SNRPD3: variants seen among roughly 807,000 people sequenced by gnomAD.
SNRPD3 encodes small nuclear ribonucleoprotein D3 polypeptide.
For missense variants in SNRPD3, 73 were observed against 167.5 expected, an observed-to-expected ratio of 0.44 and a Z score of 3.11; for synonymous variants, 66 against 58.4, an observed-to-expected ratio of 1.13 and a Z score of -0.59.
intron 2 of SNRPD3, among the ~76,000 whole-genome samples, chr22:24,564,676 G>A (rs903115311): frequency 2.0e-4 from 31 of 152,122 alleles, no homozygotes; most frequent in African/African-American, 7.5e-4. Context: ...GTTCATTTAT[G>A]GAAATGCCTA....
chr22:24,567,030 C>A (rs112393638), intron 2 of SNRPD3, among the ~76,000 whole-genome samples: 3 of 152,352 alleles, frequency 2.0e-5, no homozygotes, highest in African/African-American at 7.2e-5. Flanking sequence ...TGCCCAAGTG[C>A]CTGCTCTTTT....
chr22:24,566,360 C>T (rs1001807717), intron 2 of SNRPD3, among the ~76,000 whole-genome samples: 1 of 152,182 alleles, frequency 6.6e-6, no homozygotes, highest in Non-Finnish European at 1.5e-5. Context: ...CAGCCTCGAC[C>T]TCCCAGAACC....
intron 2 of SNRPD3, among the ~76,000 whole-genome samples, chr22:24,563,441 C>T (rs2045167653): frequency 6.6e-6 from 1 of 151,968 alleles, no homozygotes; most frequent in Non-Finnish European, 1.5e-5. Flanking sequence ...TGTTCTCCTT[C>T]TCATTCCGAC....
intron 3 of SNRPD3, among the ~76,000 whole-genome samples, chr22:24,570,194 T>G (rs1008436263): frequency 6.6e-6 from 1 of 152,246 alleles, no homozygotes; most frequent in East Asian, 1.9e-4. Flanking sequence ...GAGTGAGGTC[T>G]TATGACCCAC....
At chr22:24,570,673 A>G (rs997433089) in intron 3 of SNRPD3, among the ~76,000 whole-genome samples, 3 of 151,640 alleles carry the variant, frequency 2.0e-5, no homozygotes, top group African/African-American at 7.3e-5. Flanking sequence ...ACAGAGCTAG[A>G]CTCCATCTCA....
chr22:24,562,880 G>A (rs561776604), intron 2 of SNRPD3, among the ~76,000 whole-genome samples: 1 of 152,248 alleles, frequency 6.6e-6, no homozygotes, highest in South Asian at 2.1e-4. Flanking sequence ...GATTAAGCAG[G>A]GAAGATCATC....
At chr22:24,557,420 C>T (rs2045086247) in intron 1 of SNRPD3, among the ~76,000 whole-genome samples, 1 of 152,136 alleles carries the variant, frequency 6.6e-6, no homozygotes, top group South Asian at 2.1e-4. Context: ...TCTTTTCATT[C>T]CTAGTTTTAC....
chr22:24,566,627 A>G (rs2045198986), intron 2 of SNRPD3, among the ~76,000 whole-genome samples: 1 of 152,244 alleles, frequency 6.6e-6, no homozygotes, highest in African/African-American at 2.4e-5. Flanking sequence ...GAGGAAAAGA[A>G]TGAATGAGTA....
upstream of SNRPD3, chr22:24,555,956 C>T: frequency 1.0e-6 from 1 of 970,332 alleles, no homozygotes; most frequent in South Asian, 1.6e-5. Context: ...GCCCTGCGCG[C>T]AGCATTTTGG....
intron 1 of SNRPD3, 146 bp from the exon 2 acceptor site, chr22:24,557,511 C>CTTT (rs11427005): frequency 8.8e-4 from 370 of 418,856 alleles, no homozygotes; most frequent in Middle Eastern, 1.2e-3. Context: ...AGGAGCTGAG[C>CTTT]TTTTTTTTTT....
intron 2 of SNRPD3, among the ~76,000 whole-genome samples, chr22:24,561,631 T>C (rs1281716644): frequency 6.6e-6 from 1 of 152,220 alleles, no homozygotes; most frequent in Admixed American, 6.5e-5. Flanking sequence ...CCTTCCCAGA[T>C]CCAGTCATTC....
rs1326887097 is a variant in SNRPD3 at position 24,574,611 on chromosome 22, G to T, written c.*2634G>T. On this transcript the variant is annotated 3_prime_UTR_variant, in exon 4 of 4. Transcript: ENST00000215829. The stretch of plus-strand genomic sequence containing the variant: ...GCGGGAGTGCAATGGCACAATCATG[G>T]CTCACTGCAGCCTCAACCTTCTCGG... Among the ~76,000 whole-genome samples the T allele has an allele frequency of 6.6e-6, 1 of 152,104 alleles. No individual in the cohort carries two copies. The highest frequency in any genetic ancestry group is 6.6e-5 in the Admixed American group (1 of 15,258).
intron 2 of SNRPD3, among the ~76,000 whole-genome samples, chr22:24,567,148 T>G (rs1220140027): frequency 1.3e-5 from 2 of 152,128 alleles, no homozygotes; most frequent in Non-Finnish European, 2.9e-5. Flanking sequence ...ACCTAGAGGG[T>G]TCTGTCTCAC....
At chr22:24,564,341 G>A (rs778917948) in intron 2 of SNRPD3, among the ~76,000 whole-genome samples, 3 of 152,170 alleles carry the variant, frequency 2.0e-5, no homozygotes, top group Non-Finnish European at 4.4e-5. Flanking sequence ...CCCTCAGGAT[G>A]TCATTTCAGT....
intron 2 of SNRPD3, among the ~76,000 whole-genome samples, chr22:24,560,700 G>GC (rs1406153155): frequency 1.4e-5 from 2 of 147,204 alleles, no homozygotes; most frequent in Non-Finnish European, 3.0e-5. Context: ...ACAGGCGTGA[G>GC]CCACTGCACC....
At chr22:24,562,170 G>A (rs936983017) in intron 2 of SNRPD3, among the ~76,000 whole-genome samples, 1 of 152,236 alleles carries the variant, frequency 6.6e-6, no homozygotes, top group Non-Finnish European at 1.5e-5. Context: ...TGGGGTTTTA[G>A]TATTTACTTT....
At position 24,574,370 on chromosome 22, in the gene SNRPD3, G is replaced by A. The variant is rs762449230; in HGVS notation, c.*2393G>A. Among the ~76,000 whole-genome samples the A allele has an allele frequency of 6.6e-5, 10 of 152,260 alleles. No individual in the cohort carries two copies. Among genetic ancestry groups the A allele is most frequent in the Admixed American group, 6.5e-5 (1 of 15,302 alleles). ...ATCTTAGGGGGGAAAATCAGTTGAC[G>A]CAGATTGAAAACAAGTTGTTCCATA... is the stretch of plus-strand genomic sequence containing the variant. On this transcript the variant is annotated 3_prime_UTR_variant, in exon 4 of 4. Coordinates refer to ENST00000215829, the MANE Select transcript of SNRPD3 (RefSeq NM_004175.5).
chr22:24,555,813 C>G, upstream of SNRPD3: 1 of 1,547,118 alleles, frequency 6.5e-7, no homozygotes, highest in South Asian at 1.2e-5. Context: ...CGGCGGCCCC[C>G]GGGCCCAGTC....
intron 3 of SNRPD3, among the ~76,000 whole-genome samples, chr22:24,571,230 C>G (rs561253482): frequency 6.6e-6 from 1 of 152,302 alleles, no homozygotes; most frequent in Non-Finnish European, 1.5e-5. Context: ...AAAATTAATT[C>G]AGTGCATCTA....
Sources: gnomAD v4.1 joint callset for allele counts (sites outside exome capture counted in the v4.1 genomes callset) on GRCh38, gnomAD v4.1.1 for gene constraint, MANE v1.5 for transcripts, NCBI Gene and HGNC (gene_info 2026-07-23, HGNC 2026-07-21) for gene names.